The following BMPR1B variants were observed in gnomAD, a reference collection of about 807,000 sequenced individuals.
BMPR1B encodes bone morphogenetic protein receptor type-1B.
In BMPR1B, 12 loss-of-function variants were observed where a neutral mutation model predicts 59.1. The ratio of observed to expected loss-of-function variants is 0.20; its 90% CI spans 0.13 to 0.33. The LOEUF (loss-of-function observed/expected upper bound fraction) is 0.33, where lower values mean the gene tolerates loss of function less well. Among genes scored for constraint, BMPR1B ranks in the 10% least tolerant of loss-of-function variants. The probability of loss-of-function intolerance (pLI) is 1.00; values close to 1 mark genes in which losing one functional copy is unlikely to be tolerated. For synonymous variants in BMPR1B, 237 were observed against 207.3 expected (o/e 1.14, Z -1.23); for missense variants, 550 against 610.9 (o/e 0.90, Z 1.05).
At chr4:94,993,223 T>A (rs1437985951) in intron 2 of BMPR1B, among the ~76,000 whole-genome samples, 1 of 152,138 alleles carries the variant, frequency 6.6e-6, no homozygotes, top group Non-Finnish European at 1.5e-5. Flanking sequence ...GACTGGTTTC[T>A]TTCCCTTGGC....
chr4:94,992,879 A>T (rs2149099525), intron 2 of BMPR1B, among the ~76,000 whole-genome samples: 1 of 110,696 alleles, frequency 9.0e-6, no homozygotes, highest in East Asian at 2.0e-4. Context: ...TAAAGTATGT[A>T]ATCTTTTTTT....
chr4:95,149,537 A>G (rs936978579), intron 11 of BMPR1B, among the ~76,000 whole-genome samples: 1 of 152,232 alleles, frequency 6.6e-6, no homozygotes, highest in South Asian at 2.1e-4. Context: ...ACATATTTAA[A>G]TATTCAGAAG....
intron 1 of BMPR1B, among the ~76,000 whole-genome samples, chr4:94,858,251 A>G (rs901793569): frequency 1.7e-4 from 26 of 152,158 alleles, no homozygotes; most frequent in Non-Finnish European, 3.4e-4. Flanking sequence ...TGCCTGGCCA[A>G]TACACCAAAT....
chr4:94,780,775 G>A (rs1171245325), intron 1 of BMPR1B, among the ~76,000 whole-genome samples: 4 of 135,288 alleles, frequency 3.0e-5, no homozygotes, highest in African/African-American at 1.1e-4. Context: ...TGCAAGCTCC[G>A]CCTCCCTTGT....
intron 1 of BMPR1B, among the ~76,000 whole-genome samples, chr4:94,845,302 T>G (rs1245961567): frequency 6.6e-6 from 1 of 152,002 alleles, no homozygotes; most frequent in Non-Finnish European, 1.5e-5. Flanking sequence ...GAATAAATGG[T>G]TAGGTTAGAA....
intron 3 of BMPR1B, among the ~76,000 whole-genome samples, chr4:95,020,932 T>C (rs1001940073): frequency 2.6e-5 from 4 of 152,114 alleles, no homozygotes; most frequent in African/African-American, 9.7e-5. Context: ...CCCAGGCTGA[T>C]CTCAAACTCC....
chr4:94,924,608 C>A (rs1187458068), intron 2 of BMPR1B, among the ~76,000 whole-genome samples: 5 of 152,144 alleles, frequency 3.3e-5, no homozygotes. Context: ...TTTGCCACTT[C>A]TCTCCAACAA....
intron 2 of BMPR1B, among the ~76,000 whole-genome samples, chr4:94,902,973 C>T (rs1727889174): frequency 6.6e-6 from 1 of 152,040 alleles, no homozygotes; most frequent in Admixed American, 6.6e-5. Flanking sequence ...GTTTTGATCT[C>T]TGCTTCACCA....
At chr4:94,853,064 A>G (rs1725624273) in intron 1 of BMPR1B, among the ~76,000 whole-genome samples, 1 of 152,098 alleles carries the variant, frequency 6.6e-6, no homozygotes. Flanking sequence ...GAGTTTCCAG[A>G]CTCCGGGGAC....
chr4:95,096,753 AGT>A (rs1468825472), intron 3 of BMPR1B, among the ~76,000 whole-genome samples: 4 of 134,998 alleles, frequency 3.0e-5, no homozygotes, highest in African/African-American at 1.1e-4. Flanking sequence ...AACTATATAT[AGT>A]TATATATAAC....
intron 2 of BMPR1B, among the ~76,000 whole-genome samples, chr4:94,898,549 C>T (rs1727677052): frequency 6.6e-6 from 1 of 151,998 alleles, no homozygotes; most frequent in Non-Finnish European, 1.5e-5. Context: ...TTTCCTGCCA[C>T]CATGTGAAGA....
At chr4:94,810,838 TGATTA>T (rs1374196923) in intron 1 of BMPR1B, among the ~76,000 whole-genome samples, 4 of 152,204 alleles carry the variant, frequency 2.6e-5, no homozygotes, top group Non-Finnish European at 5.9e-5. Flanking sequence ...TAGTTAATAC[TGATTA>T]GATTAGTTTG....
At chr4:95,066,390 A>G (rs1727804298) in intron 3 of BMPR1B, among the ~76,000 whole-genome samples, 1 of 152,104 alleles carries the variant, frequency 6.6e-6, no homozygotes, top group African/African-American at 2.4e-5. Flanking sequence ...GGGGAGGGAA[A>G]ACGACCTCAG....
intron 2 of BMPR1B, among the ~76,000 whole-genome samples, chr4:94,877,657 A>G (rs1328753332): frequency 6.6e-6 from 1 of 152,200 alleles, no homozygotes; most frequent in Non-Finnish European, 1.5e-5. Context: ...GATTTGCCAG[A>G]ACAGTGGGAA....
chr4:94,828,599 G>T (rs537440500), intron 1 of BMPR1B, among the ~76,000 whole-genome samples: 1 of 152,070 alleles, frequency 6.6e-6, no homozygotes, highest in Admixed American at 6.6e-5. Flanking sequence ...ATGTTAAGAG[G>T]GCATATAGAA....
intron 3 of BMPR1B, among the ~76,000 whole-genome samples, chr4:95,029,688 A>C (rs1356711178): frequency 6.6e-6 from 1 of 152,156 alleles, no homozygotes; most frequent in Non-Finnish European, 1.5e-5. Flanking sequence ...AGGAATCGCC[A>C]CACTGACTTC....
At chr4:94,783,024 C>T (rs1722640039) in intron 1 of BMPR1B, among the ~76,000 whole-genome samples, 1 of 152,218 alleles carries the variant, frequency 6.6e-6, no homozygotes, top group African/African-American at 2.4e-5. Context: ...TTGATATTAC[C>T]TCTCTAATGG....
intron 2 of BMPR1B, among the ~76,000 whole-genome samples, chr4:94,967,100 C>A (rs1413210797): frequency 6.6e-6 from 1 of 151,998 alleles, no homozygotes; most frequent in African/African-American, 2.4e-5. Context: ...AAAATATATC[C>A]AAAGTTGTTG....
chr4:94,967,414 C>T (rs955320963), intron 2 of BMPR1B, among the ~76,000 whole-genome samples: 1 of 152,026 alleles, frequency 6.6e-6, no homozygotes, highest in South Asian at 2.1e-4. Flanking sequence ...TAACTGTATT[C>T]TCTTTTCTTC....
Sources: gnomAD v4.1 joint callset for allele counts (sites outside exome capture counted in the v4.1 genomes callset) on GRCh38, gnomAD v4.1.1 for gene constraint, MANE v1.5 for transcripts, NCBI Gene and HGNC (gene_info 2026-07-23, HGNC 2026-07-21) for gene names.